The following LOC122539214 variants were observed in gnomAD, a reference collection of about 807,000 sequenced individuals.
the LOC122539214 span, among the ~76,000 whole-genome samples, chr19:52,681,303 C>CAAAAAAAAAAAAAAAAAAA: frequency 4.5e-4 from 35 of 78,292 alleles, 1 homozygote; most frequent in African/African-American, 6.9e-4. Flanking sequence ...AAAAAAAAAG[C>CAAAAAAAAAAAAAAAAAAA]AAACGAACAT....
chr19:52,683,374 T>G, the LOC122539214 span, among the ~76,000 whole-genome samples: 3,215 of 152,256 alleles, frequency 0.021, 105 homozygotes, highest in African/African-American at 0.072. Context: ...TGCAGTTCAC[T>G]GTGCTGTTTG....
chr19:52,652,781 T>G, the LOC122539214 span: 1 of 848,132 alleles, frequency 1.2e-6, no homozygotes, highest in African/African-American at 1.7e-5. Context: ...GACTGCCCAC[T>G]AAAGGCTTTG....
At chr19:52,665,931 T>C in the LOC122539214 span, among the ~76,000 whole-genome samples, 1 of 151,352 alleles carries the variant, frequency 6.6e-6, no homozygotes, top group Non-Finnish European at 1.5e-5. Context: ...GAGGCTGAGG[T>C]GGGCAAATCA....
the LOC122539214 span, among the ~76,000 whole-genome samples, chr19:52,686,672 C>T: frequency 1.3e-5 from 2 of 152,062 alleles, no homozygotes; most frequent in Non-Finnish European, 2.9e-5. Context: ...CTCCCAGGTT[C>T]AAGTGATTGT....
chr19:52,657,877 C>T, the LOC122539214 span, among the ~76,000 whole-genome samples: 1 of 150,602 alleles, frequency 6.6e-6, no homozygotes. Context: ...TGGCTCATGA[C>T]TGTAATCCTA....
At chr19:52,661,139 A>T in the LOC122539214 span, among the ~76,000 whole-genome samples, 1 of 152,132 alleles carries the variant, frequency 6.6e-6, no homozygotes, top group African/African-American at 2.4e-5. Flanking sequence ...CTATGATTAC[A>T]GGGGTAAACC....
the LOC122539214 span, among the ~76,000 whole-genome samples, chr19:52,675,319 C>A: frequency 2.0e-5 from 3 of 152,276 alleles, no homozygotes; most frequent in Non-Finnish European, 4.4e-5. Context: ...AAGGATCCCA[C>A]GACATGTACT....
At chr19:52,671,086 G>A in the LOC122539214 span, among the ~76,000 whole-genome samples, 2 of 152,238 alleles carry the variant, frequency 1.3e-5, no homozygotes, top group Middle Eastern at 3.4e-3. Context: ...CTTTGCAGAC[G>A]CACATGAACC....
the LOC122539214 span, among the ~76,000 whole-genome samples, chr19:52,673,979 G>A: frequency 7.3e-6 from 1 of 136,836 alleles, no homozygotes; most frequent in African/African-American, 2.8e-5. Flanking sequence ...TCATGCCACT[G>A]CCCTGCAGCC....
the LOC122539214 span, chr19:52,690,485 T>C: frequency 1.9e-4 from 35 of 185,854 alleles, no homozygotes; most frequent in Admixed American, 3.9e-4. Flanking sequence ...GCTTCCAGAT[T>C]TGCGAGAATC....
At chr19:52,681,350 G>C in the LOC122539214 span, among the ~76,000 whole-genome samples, 1 of 148,756 alleles carries the variant, frequency 6.7e-6, no homozygotes, top group Non-Finnish European at 1.5e-5. Context: ...CAACATAACA[G>C]GTGATATTCA....
chr19:52,676,629 C>A, the LOC122539214 span, among the ~76,000 whole-genome samples: 1 of 149,266 alleles, frequency 6.7e-6, no homozygotes, highest in Non-Finnish European at 1.5e-5. Context: ...GGAGGTGTGC[C>A]CAACAGCTCA....
At chr19:52,658,849 T>C in the LOC122539214 span, among the ~76,000 whole-genome samples, 66,060 of 151,972 alleles carry the variant, frequency 0.43, 14,857 homozygotes, top group Admixed American at 0.53. Context: ...TTACTTCAGA[T>C]CACAGTACCT....
the LOC122539214 span, chr19:52,651,641 C>T: frequency 6.9e-6 from 1 of 144,276 alleles, no homozygotes; most frequent in Non-Finnish European, 1.5e-5. Flanking sequence ...CAAGATTGTG[C>T]CATTGCACGC....
the LOC122539214 span, among the ~76,000 whole-genome samples, chr19:52,658,995 G>A: frequency 6.6e-6 from 1 of 152,082 alleles, no homozygotes; most frequent in African/African-American, 2.4e-5. Flanking sequence ...CTCTTGGTGT[G>A]CAGGCGATTG....
At chr19:52,689,635 T>C in the LOC122539214 span, among the ~76,000 whole-genome samples, 1 of 152,212 alleles carries the variant, frequency 6.6e-6, no homozygotes, top group Non-Finnish European at 1.5e-5. Flanking sequence ...TGCTTTCTTA[T>C]CGTTTTCTTT....
At chr19:52,655,711 C>T in the LOC122539214 span, 2 of 920,626 alleles carry the variant, frequency 2.2e-6, no homozygotes, top group Non-Finnish European at 3.5e-6. Context: ...CACATTTCAA[C>T]AAAACATTAG....
the LOC122539214 span, among the ~76,000 whole-genome samples, chr19:52,662,847 T>C: frequency 6.6e-6 from 1 of 152,046 alleles, no homozygotes; most frequent in Non-Finnish European, 1.5e-5. Flanking sequence ...GCCAACAGAA[T>C]GTGTTGGTTT....
At chr19:52,660,375 C>T in the LOC122539214 span, among the ~76,000 whole-genome samples, 1 of 151,780 alleles carries the variant, frequency 6.6e-6, no homozygotes, top group East Asian at 1.9e-4. Flanking sequence ...TTCTTAGCAA[C>T]AGTGAAAAAC....
Sources: gnomAD v4.1 joint callset for allele counts (sites outside exome capture counted in the v4.1 genomes callset) on GRCh38, gnomAD v4.1.1 for gene constraint, MANE v1.5 for transcripts.